The following CNTN4 variants were observed in gnomAD, a reference collection of about 807,000 sequenced individuals.
CNTN4 encodes contactin 4, also known as contactin-4.
Under a neutral mutation model 122.5 loss-of-function variants are expected in CNTN4, and 77 were observed. That is an observed-to-expected ratio of 0.63 (90% CI 0.52 to 0.76). CNTN4 has a LOEUF of 0.76. Ranked by LOEUF, CNTN4 falls within the 30% of genes least tolerant of loss-of-function variation. The pLI is 0.00. For synonymous variants in CNTN4, 512 were observed against 447.0 expected (o/e 1.15, Z -1.83); for missense variants, 1,256 against 1,259.1 (o/e 1.00, Z 0.04).
chr3:2,890,008 A>G (rs888181006), intron 10 of CNTN4, among the ~76,000 whole-genome samples: 2 of 152,230 alleles, frequency 1.3e-5, no homozygotes, highest in Non-Finnish European at 2.9e-5. Flanking sequence ...ATCTGCAGCC[A>G]TGCATGGGAA....
At chr3:2,835,591 G>T (rs746562661) in intron 7 of CNTN4, among the ~76,000 whole-genome samples, 97 of 151,962 alleles carry the variant, frequency 6.4e-4, no homozygotes, top group Non-Finnish European at 1.2e-3. Context: ...TTAGTTATAG[G>T]TCAATTTTAT....
intron 3 of CNTN4, among the ~76,000 whole-genome samples, chr3:2,398,053 A>C (rs1331475399): frequency 6.6e-6 from 1 of 152,162 alleles, no homozygotes; most frequent in Non-Finnish European, 1.5e-5. Context: ...TAAGAAACTG[A>C]CAAATTAAAA....
At chr3:2,507,675 C>T (rs1380488487) in intron 3 of CNTN4, among the ~76,000 whole-genome samples, 1 of 146,706 alleles carries the variant, frequency 6.8e-6, no homozygotes, top group African/African-American at 2.5e-5. Flanking sequence ...GCGGAGGTTG[C>T]AGTGAGCCGA....
In CNTN4 at chr3:2,628,602, C is replaced by A. The variant is rs145868789; in HGVS notation, c.55+57044C>A. 7.2e-5 allele frequency among the ~76,000 whole-genome samples: 11 copies of A among 152,246 alleles called. No homozygotes were observed. The East Asian group carries it at 1.9e-3, about 27-fold the overall frequency. On this transcript the variant is annotated intron_variant, in intron 4 of 24. Coordinates refer to ENST00000418658, the MANE Select transcript of CNTN4 (RefSeq NM_175607.3). ...GAGTGATGAAGTGGGATTTTCTTTT[C>A]TAGTTGCCTTTATCCGTGTCGGTGA...
chr3:2,110,374 T>C (rs1417097389), intron 2 of CNTN4: 1 of 152,254 alleles, frequency 6.6e-6, no homozygotes, highest in Non-Finnish European at 1.5e-5. Flanking sequence ...AAATGAACCG[T>C]ATACTACAAT....
At chr3:2,154,085 G>A (rs192151001) in intron 2 of CNTN4, among the ~76,000 whole-genome samples, 2 of 151,974 alleles carry the variant, frequency 1.3e-5, no homozygotes, top group Non-Finnish European at 2.9e-5. Flanking sequence ...TGTTGTCTAT[G>A]ATAAAATGGA....
intron 2 of CNTN4, among the ~76,000 whole-genome samples, chr3:2,210,724 C>T (rs2038578376): frequency 6.6e-6 from 1 of 152,186 alleles, no homozygotes; most frequent in Non-Finnish European, 1.5e-5. Context: ...ACTCATCTGT[C>T]TCCTAGTTGC....
At chr3:2,239,379 C>T (rs572483669) in intron 2 of CNTN4, among the ~76,000 whole-genome samples, 12 of 152,260 alleles carry the variant, frequency 7.9e-5, no homozygotes, top group Non-Finnish European at 1.8e-4. Context: ...CTAAGCTACA[C>T]ACAGATACAT....
At chr3:2,250,917 T>G (rs758956782) in intron 2 of CNTN4, among the ~76,000 whole-genome samples, 1 of 151,824 alleles carries the variant, frequency 6.6e-6, no homozygotes, top group Non-Finnish European at 1.5e-5. Context: ...AAAGAAGAGA[T>G]CATTTTAAAG....
At chr3:2,332,327 G>C (rs1413777660) in intron 2 of CNTN4, among the ~76,000 whole-genome samples, 2 of 152,062 alleles carry the variant, frequency 1.3e-5, no homozygotes, top group East Asian at 3.9e-4. Context: ...TAAGGTTTAC[G>C]TAAGTAATCT....
At chr3:2,868,865 C>G (rs1229002421) in intron 8 of CNTN4, among the ~76,000 whole-genome samples, 3 of 151,994 alleles carry the variant, frequency 2.0e-5, no homozygotes, top group Non-Finnish European at 4.4e-5. Context: ...TGGTGGGTGT[C>G]TACTTTAGAC....
At chr3:2,238,985 A>T (rs75036384) in intron 2 of CNTN4, 13 of 147,690 alleles carry the variant, frequency 8.8e-5, no homozygotes, top group Non-Finnish European at 1.3e-4. Flanking sequence ...TCGGCCTCCC[A>T]AAGTGCTGGG....
chr3:2,543,472 C>T (rs1344646882), intron 3 of CNTN4, among the ~76,000 whole-genome samples: 4 of 151,990 alleles, frequency 2.6e-5, no homozygotes, highest in African/African-American at 9.7e-5. Flanking sequence ...GATTTGGGCC[C>T]TGGGAGGGGA....
At chr3:2,384,779 T>TG (rs1559506283) in intron 3 of CNTN4, among the ~76,000 whole-genome samples, 1 of 152,086 alleles carries the variant, frequency 6.6e-6, no homozygotes, top group African/African-American at 2.4e-5. Context: ...TGTGTGTGTG[T>TG]GTGTGTGTGT....
chr3:2,869,750 G>C (rs969171243), intron 8 of CNTN4, among the ~76,000 whole-genome samples: 13 of 152,080 alleles, frequency 8.5e-5, no homozygotes, highest in African/African-American at 3.1e-4. Flanking sequence ...GCTCCAGCAC[G>C]GTGCTTGCCA....
At chr3:2,192,994 C>T (rs2037656711) in intron 2 of CNTN4, among the ~76,000 whole-genome samples, 1 of 152,148 alleles carries the variant, frequency 6.6e-6, no homozygotes, top group Non-Finnish European at 1.5e-5. Context: ...TCAGTACTGC[C>T]TTTTGCCCTC....
chr3:2,715,167 T>A (rs894755537), intron 4 of CNTN4, among the ~76,000 whole-genome samples: 1 of 152,190 alleles, frequency 6.6e-6, no homozygotes, highest in African/African-American at 2.4e-5. Flanking sequence ...ATAATTCGCT[T>A]TATGTACCCA....
At chr3:2,598,314 C>A (rs2080869153) in intron 4 of CNTN4, among the ~76,000 whole-genome samples, 2 of 152,126 alleles carry the variant, frequency 1.3e-5, no homozygotes, top group African/African-American at 2.4e-5. Context: ...TTAGCAAGTA[C>A]AATTGCATAC....
intron 8 of CNTN4, among the ~76,000 whole-genome samples, chr3:2,880,819 C>G (rs909345801): frequency 6.6e-6 from 1 of 152,178 alleles, no homozygotes; most frequent in Non-Finnish European, 1.5e-5. Flanking sequence ...AACCGTTTAA[C>G]TCTTGAGATT....
Sources: gnomAD v4.1 joint callset for allele counts (sites outside exome capture counted in the v4.1 genomes callset) on GRCh38, gnomAD v4.1.1 for gene constraint, MANE v1.5 for transcripts, NCBI Gene and HGNC (gene_info 2026-07-23, HGNC 2026-07-21) for gene names.